HIRA: variants seen among roughly 807,000 people sequenced by gnomAD.
HIRA encodes protein HIRA.
Under a neutral mutation model 126.6 loss-of-function variants are expected in HIRA, and 13 were observed. The ratio of observed to expected loss-of-function variants is 0.10; its 90% CI spans 0.07 to 0.16. HIRA has a LOEUF of 0.16. Among genes scored for constraint, HIRA ranks in the 10% least tolerant of loss-of-function variants. HIRA has a pLI of 1.00. For missense variants in HIRA, 834 were observed against 1,314.4 expected (o/e 0.63, Z 5.65); for synonymous variants, 511 against 520.0 (o/e 0.98, Z 0.24).
intron 14 of HIRA, 47 bp from the exon 15 acceptor site, chr22:19,375,839 A>G: frequency 6.3e-7 from 1 of 1,594,856 alleles, no homozygotes; most frequent in Non-Finnish European, 8.6e-7. Context: ...TCCTGAAAGG[A>G]TCTGGAGGTC....
intron 24 of HIRA, among the ~76,000 whole-genome samples, chr22:19,335,607 G>A (rs1275114377): frequency 6.6e-6 from 1 of 152,032 alleles, no homozygotes; most frequent in Non-Finnish European, 1.5e-5. Context: ...TAACCCTTTG[G>A]AGGTATATTT....
chr22:19,411,671 A>G (rs752109110), intron 1 of HIRA, among the ~76,000 whole-genome samples: 4 of 152,248 alleles, frequency 2.6e-5, no homozygotes, highest in Non-Finnish European at 4.4e-5. Flanking sequence ...GATACATGAC[A>G]ATGATCTGAG....
intron 12 of HIRA, 53 bp downstream of exon 12, chr22:19,385,468 C>T: frequency 1.9e-6 from 3 of 1,542,790 alleles, no homozygotes; most frequent in African/African-American, 1.4e-5. Flanking sequence ...TGCCCCTCAC[C>T]CTGTCCCTGG....
chr22:19,424,232 A>C (rs558552615), intron 1 of HIRA, among the ~76,000 whole-genome samples: 1 of 152,312 alleles, frequency 6.6e-6, no homozygotes, highest in Non-Finnish European at 1.5e-5. Flanking sequence ...TTTTATTCAG[A>C]TATCCACTCT....
rs111544083 is a variant in HIRA, at chr22:19,336,635, C to T, written c.2938-5079G>A. ...CAAACAAGGACTCTCACAGAGTCTA[C>T]GCCATTCCCCTGGCACCACCACCAC... is the stretch of plus-strand genomic sequence containing the variant. On this transcript the variant is annotated intron_variant, in intron 24 of 24. Coordinates refer to ENST00000263208, the MANE Select transcript of HIRA (RefSeq NM_003325.4). Among the ~76,000 whole-genome samples, 666 of 152,344 alleles carry T rather than the reference C, an allele frequency of 4.4e-3. 4 individuals are homozygous for T. The highest frequency in any genetic ancestry group is 0.015 in the African/African-American group (613 of 41,570).
chr22:19,390,088 A>C (rs984106030), intron 9 of HIRA, among the ~76,000 whole-genome samples: 1 of 152,010 alleles, frequency 6.6e-6, no homozygotes, highest in Non-Finnish European at 1.5e-5. Flanking sequence ...TGCTCCCTGC[A>C]CTGCATGCGG....
chr22:19,379,090 C>T lies in HIRA; in HGVS notation c.1416-1024G>A, dbSNP rs1372433496. On this transcript the variant is annotated intron_variant, in intron 13 of 24. Transcript: ENST00000263208. Reference sequence around the variant, plus strand: ...CCGCCCAGGCTGGAGTGCAGTGGCGCGATCTCGCCTCACTGCAAGCTCCGC... The same window carrying T: ...CCGCCCAGGCTGGAGTGCAGTGGCGTGATCTCGCCTCACTGCAAGCTCCGC... 4.0e-5 allele frequency among the ~76,000 whole-genome samples: 6 copies of T among 151,418 alleles called. No individual in the cohort carries two copies. The East Asian group carries it at 7.9e-4, about 20-fold the overall frequency.
In HIRA at chr22:19,419,205, G is replaced by A. The variant is rs1273021269; in HGVS notation, c.38-8427C>T. 5.9e-5 allele frequency among the ~76,000 whole-genome samples: 9 copies of A among 152,184 alleles called. No homozygotes were observed. In the South Asian group the frequency reaches 1.7e-3, roughly 28 times the overall value. On this transcript the variant is annotated intron_variant, in intron 1 of 24. Coordinates refer to ENST00000263208, the MANE Select transcript of HIRA (RefSeq NM_003325.4). ...ACCTCACCCTGATCTTCTCTATAACGGTCTGATCTTTCCAAGAAACCTGCT... is the reference window on the plus strand; with the variant it reads ...ACCTCACCCTGATCTTCTCTATAACAGTCTGATCTTTCCAAGAAACCTGCT...
intron 10 of HIRA, among the ~76,000 whole-genome samples, 157 bp from the exon 11 acceptor site, chr22:19,387,973 G>T (rs1401503852): frequency 3.5e-5 from 5 of 144,872 alleles, no homozygotes; most frequent in African/African-American, 5.3e-5. Flanking sequence ...TGGCCTGGGC[G>T]GGGGGGGGAG....
chr22:19,416,528 T>C (rs1178097689), intron 1 of HIRA, among the ~76,000 whole-genome samples: 1 of 152,028 alleles, frequency 6.6e-6, no homozygotes, highest in Non-Finnish European at 1.5e-5. Context: ...CTTGTAGAGA[T>C]GGGGTTTCAC....
chr22:19,408,724 A>T, intron 2 of HIRA, 131 bp from the exon 3 acceptor site: 1 of 577,292 alleles, frequency 1.7e-6, no homozygotes, highest in Non-Finnish European at 3.1e-6. Flanking sequence ...ATCTAAGGAG[A>T]CTGAATTTAA....
At position 19,351,500 on chromosome 22, in the gene HIRA, G is replaced by C; in HGVS notation, c.2849-54C>G. ...ACAACAAAAAACAAAACAGAAATAG[G>C]AACACATTACAAAAAGAAATAAAAT... On this transcript the variant is annotated intron_variant, in intron 23 of 24. Coordinates refer to ENST00000263208, the MANE Select transcript of HIRA (RefSeq NM_003325.4). The surrounding 1 kb of genome is among the most constrained non-coding windows in gnomAD (Gnocchi z 4.8). 8.0e-7 allele frequency: 1 copy of C among 1,247,102 alleles called. No homozygotes were observed. The highest frequency in any genetic ancestry group is 1.2e-6 in the Non-Finnish European group (1 of 855,960). The allele number at this position is 1,247,102 out of a possible 1,614,324, so 77.3% of individuals were successfully genotyped here. A position where few individuals can be genotyped will look rare whatever the true frequency, so the allele number is the denominator to read the frequency against.
chr22:19,409,153 T>A (rs1020880990), intron 2 of HIRA, among the ~76,000 whole-genome samples: 1 of 152,190 alleles, frequency 6.6e-6, no homozygotes, highest in Non-Finnish European at 1.5e-5. Context: ...TGGCTCATTA[T>A]CTTGTTATCC....
intron 24 of HIRA, among the ~76,000 whole-genome samples, chr22:19,337,988 C>A (rs188273764): frequency 1.1e-3 from 174 of 152,218 alleles, no homozygotes; most frequent in African/African-American, 3.8e-3. Flanking sequence ...GGTGGGGTTT[C>A]ACCGTGTTGG....
At chr22:19,397,344 G>A (rs1036031265) in intron 6 of HIRA, among the ~76,000 whole-genome samples, 2 of 152,150 alleles carry the variant, frequency 1.3e-5, no homozygotes, top group African/African-American at 4.8e-5. Flanking sequence ...TGAAGACAAA[G>A]GTGTGTACGA....
At chr22:19,430,609 T>G (rs1343369445) in intron 1 of HIRA, among the ~76,000 whole-genome samples, 2 of 147,038 alleles carry the variant, frequency 1.4e-5, no homozygotes, top group South Asian at 4.3e-4. Context: ...GGTTGATTTC[T>G]GTGCTACAGT....
chr22:19,379,041 T>TG (rs938271482), intron 13 of HIRA, among the ~76,000 whole-genome samples: 5 of 151,830 alleles, frequency 3.3e-5, no homozygotes, highest in African/African-American at 1.2e-4. Context: ...TTTCTTTTTT[T>TG]TTTTTGAGAC....
chr22:19,375,411 C>G (rs2089008480), intron 15 of HIRA, among the ~76,000 whole-genome samples: 1 of 152,202 alleles, frequency 6.6e-6, no homozygotes, highest in African/African-American at 2.4e-5. Flanking sequence ...TTTGCCGCGT[C>G]CTCCCCCATG....
intron 5 of HIRA, among the ~76,000 whole-genome samples, chr22:19,401,886 A>G (rs2089271564): frequency 6.6e-6 from 1 of 152,158 alleles, no homozygotes; most frequent in Non-Finnish European, 1.5e-5. Flanking sequence ...TCCTCTGCCT[A>G]GATCCCTGCG....
Sources: allele counts gnomAD v4.1 joint callset (sites outside exome capture counted in the v4.1 genomes callset), GRCh38; gene constraint gnomAD v4.1.1; non-coding constraint Gnocchi (gnomAD v3.1); transcripts MANE v1.5; gene names NCBI Gene and HGNC (gene_info 2026-07-23, HGNC 2026-07-21).